The following NBPF12 variants were observed in gnomAD, a reference collection of about 807,000 sequenced individuals.
NBPF12 encodes the protein NBPF member 12.
In NBPF12, 115 loss-of-function variants were observed where a neutral mutation model predicts 146.4. The observed-to-expected ratio is 0.79, with a 90% confidence interval of 0.68 to 0.92. The LOEUF is 0.92. Ranked by LOEUF, NBPF12 falls within the 40% of genes least tolerant of loss-of-function variation. The probability of loss-of-function intolerance (pLI) is 0.00; values close to 1 mark genes in which losing one functional copy is unlikely to be tolerated. For synonymous variants in NBPF12, 385 were observed against 508.9 expected, an observed-to-expected ratio of 0.76 and a Z score of 3.28; for missense variants, 1,205 against 1,326.8, an observed-to-expected ratio of 0.91 and a Z score of 1.43.
intron 20 of NBPF12, 54 bp downstream of exon 23, chr1:146,983,145 C>T: frequency 7.3e-7 from 1 of 1,376,796 alleles, no homozygotes; most frequent in Non-Finnish European, 1.0e-6. Context: ...CCAGGTAGAC[C>T]CCATAATCTT....
At chr1:146,960,288 G>T (rs1357671495) in exon 4 of NBPF12, 3 of 1,329,408 alleles carry the variant, frequency 2.3e-6, no homozygotes, top group Non-Finnish European at 3.2e-6. Flanking sequence ...TCAACTGGCC[G>T]GCTTCCTGGC....
chr1:146,970,743 AG>A, intron 12 of NBPF12, 24 bp downstream of exon 15: 1 of 1,314,082 alleles, frequency 7.6e-7, no homozygotes, highest in Non-Finnish European at 1.1e-6. Context: ...CTCAGGAGCA[AG>A]TAATGGGTGT....
At chr1:146,994,265 A>T in intron 33 of NBPF12, 67 bp from the exon 37 acceptor site, 5 of 1,610,684 alleles carry the variant, frequency 3.1e-6, no homozygotes, top group South Asian at 2.2e-5. Context: ...TTACTTCTGA[A>T]ATCTAGTGAG....
rs1655673593 is a variant in NBPF12, at chr1:146,957,944, A to G, written c.-183-1915A>G. Among the ~76,000 whole-genome samples, 4 of 115,832 alleles carry G rather than the reference A, an allele frequency of 3.5e-5. 1 individual carries two copies. Among genetic ancestry groups the G allele is most frequent in the Admixed American group, 3.0e-4 (3 of 9,992 alleles). The allele number at this position is 115,832 out of a possible 152,430, so 76.0% of individuals were successfully genotyped here. ...GTATATAATATATATTCGTGTGTGT[A>G]TATATATTTTATATATACGTGTATA... On this transcript the variant is annotated intron_variant, in intron 2 of 33. Transcript: ENST00000617844.
chr1:146,949,645 T>C (rs1655236378), intron 1 of NBPF12, among the ~76,000 whole-genome samples: 1 of 117,436 alleles, frequency 8.5e-6, no homozygotes, highest in African/African-American at 3.6e-5. Context: ...ATCAGAGTCA[T>C]GTGAGACTAA....
chr1:146,980,482 C>T (rs1467034518), intron 19 of NBPF12, among the ~76,000 whole-genome samples: 2 of 151,616 alleles, frequency 1.3e-5, no homozygotes, highest in Admixed American at 6.6e-5. Flanking sequence ...TTAGTGCTTC[C>T]TTTAGGAGCT....
At chr1:146,951,591 T>C (rs1655324674) in intron 2 of NBPF12, 102 bp downstream of exon 5, 5 of 486,248 alleles carry the variant, frequency 1.0e-5, no homozygotes, top group Non-Finnish European at 1.1e-5. Flanking sequence ...GCCCATATGC[T>C]TAGCTGAGTT....
exon 34 of NBPF12, chr1:146,995,280 G>A (rs587606658): frequency 1.6e-5 from 2 of 125,946 alleles, no homozygotes; most frequent in East Asian, 4.7e-4. Context: ...CCAGGACTCT[G>A]CCGGTGCAGA....
chr1:146,965,791 C>CAAAAAAAAAAAAAAAAA (rs1162462110), intron 8 of NBPF12, among the ~76,000 whole-genome samples: 4 of 30,054 alleles, frequency 1.3e-4, no homozygotes, highest in Non-Finnish European at 2.2e-4. Flanking sequence ...GACTGCATCT[C>CAAAAAAAAAAAAAAAAA]AAAAAAAAAA....
Position 146,980,840 on chromosome 1 carries a change from T to C in NBPF12, c.2450+1830T>C, listed in dbSNP as rs1420349468. 8.4e-5 allele frequency among the ~76,000 whole-genome samples: 12 copies of C among 142,108 alleles called. 1 individual carries two copies. The highest frequency in any genetic ancestry group is 2.9e-4 in the African/African-American group (11 of 38,140). The allele number at this position is 142,108 out of a possible 152,430, so 93.2% of individuals were successfully genotyped here. ...AAAGACACATGCACACATATGTTTATTGTGGCACTATTCACAATAGCAAAG... is the reference window on the plus strand; with the variant it reads ...AAAGACACATGCACACATATGTTTACTGTGGCACTATTCACAATAGCAAAG... On this transcript the variant is annotated intron_variant, in intron 19 of 33. Transcript: ENST00000617844.
intron 1 of NBPF12, among the ~76,000 whole-genome samples, chr1:146,940,168 TTTAA>T (rs1182964587): frequency 2.0e-5 from 3 of 152,120 alleles, no homozygotes; most frequent in Non-Finnish European, 4.4e-5. Flanking sequence ...TGTTTTTGAA[TTTAA>T]TTAGTAAAAT....
intron 1 of NBPF12, among the ~76,000 whole-genome samples, chr1:146,951,009 A>G (rs1470337677): frequency 2.0e-3 from 298 of 152,134 alleles, no homozygotes; most frequent in Non-Finnish European, 3.6e-3. Flanking sequence ...TGTTTATACT[A>G]TTGTACATTC....
intron 8 of NBPF12, among the ~76,000 whole-genome samples, chr1:146,965,876 G>A (rs1322123335): frequency 3.3e-5 from 5 of 150,074 alleles, no homozygotes; most frequent in African/African-American, 9.9e-5. Context: ...GAGAGGCCGA[G>A]GTGGGCGGAA....
intron 18 of NBPF12, among the ~76,000 whole-genome samples, chr1:146,978,033 C>T (rs1304003309): frequency 6.6e-6 from 1 of 151,922 alleles, no homozygotes; most frequent in Non-Finnish European, 1.5e-5. Flanking sequence ...AGGAAGCTGG[C>T]AGCCTTGCCT....
intron 4 of NBPF12, among the ~76,000 whole-genome samples, chr1:146,961,103 A>C (rs1257879872): frequency 6.6e-6 from 1 of 152,100 alleles, no homozygotes; most frequent in Non-Finnish European, 1.5e-5. Flanking sequence ...CCAAGATTGC[A>C]CTATTGCACT....
intron 13 of NBPF12, among the ~76,000 whole-genome samples, chr1:146,971,857 A>T (rs1219958327): frequency 2.0e-5 from 3 of 149,510 alleles, no homozygotes; most frequent in Non-Finnish European, 3.0e-5. Flanking sequence ...AGGCGGGTGG[A>T]TCACGAGGTC....
chr1:146,987,818 A>T (rs1657889623), intron 25 of NBPF12, 136 bp from the exon 29 acceptor site: 1 of 703,916 alleles, frequency 1.4e-6, no homozygotes, highest in South Asian at 1.6e-5. Flanking sequence ...CATGAAGGCA[A>T]TAATTTGTTA....
exon 9 of NBPF12, chr1:146,966,502 G>A (rs2101861306): frequency 6.8e-7 from 1 of 1,463,244 alleles, no homozygotes; most frequent in East Asian, 2.3e-5. Flanking sequence ...CGTCAGCATG[G>A]TGGTATCAGC....
upstream of NBPF12, among the ~76,000 whole-genome samples, chr1:146,938,365 A>G (rs1654626577): frequency 6.6e-6 from 1 of 152,106 alleles, no homozygotes; most frequent in Non-Finnish European, 1.5e-5. Flanking sequence ...CGAAGCCTGC[A>G]GTCCTAAAGG....
Sources: allele counts gnomAD v4.1 joint callset (sites outside exome capture counted in the v4.1 genomes callset), GRCh38; gene constraint gnomAD v4.1.1; transcripts MANE v1.5; gene names NCBI Gene and HGNC (gene_info 2026-07-23, HGNC 2026-07-21).